Variants in TFDP2 observed in about 807,000 individuals in gnomAD.
TFDP2 encodes transcription factor Dp-2.
A neutral mutation model predicts 59.3 loss-of-function variants in TFDP2; 17 were observed. That is an observed-to-expected ratio of 0.29 (90% CI 0.20 to 0.43). The LOEUF (loss-of-function observed/expected upper bound fraction) is 0.43, where lower values mean the gene tolerates loss of function less well. Among genes scored for constraint, TFDP2 ranks in the 20% least tolerant of loss-of-function variants. The probability of loss-of-function intolerance (pLI) is 1.00; values close to 1 mark genes in which losing one functional copy is unlikely to be tolerated. For missense variants in TFDP2, 391 were observed against 528.8 expected (o/e 0.74, Z 2.56); for synonymous variants, 180 against 194.7 (o/e 0.92, Z 0.63).
rs557027371 is a variant in TFDP2, at chr3:141,969,011, GAT to G, written c.732+1060_732+1061del. On this transcript the variant is annotated intron_variant, in intron 9 of 12. Transcript: ENST00000489671. Reference sequence around the variant, plus strand: ...ATATAACATATATCTCATATATATAGATATATATATAACATATATCTCATATA... The same window carrying G: ...ATATAACATATATCTCATATATATAGATATATATAACATATATCTCATATA... Among the ~76,000 whole-genome samples the G allele has an allele frequency of 8.8e-4, 62 of 70,828 alleles. 1 individual carries two copies. The highest frequency in any genetic ancestry group is 1.8e-3 in the African/African-American group (28 of 15,852). 46.5% of individuals were successfully genotyped at this position (70,828 alleles called of 152,430 possible).
At chr3:142,118,736 G>T (rs1414359266) in intron 1 of TFDP2, among the ~76,000 whole-genome samples, 1 of 151,896 alleles carries the variant, frequency 6.6e-6, no homozygotes, top group Non-Finnish European at 1.5e-5. Flanking sequence ...AGAAAATAAT[G>T]AAGAAAATAA....
chr3:142,050,433 C>A (rs1433665990), intron 3 of TFDP2, among the ~76,000 whole-genome samples: 2 of 152,110 alleles, frequency 1.3e-5, no homozygotes. Flanking sequence ...CGGTGGCTCA[C>A]GCCTGTAATC....
chr3:142,087,909 T>G (rs896659136), intron 3 of TFDP2, among the ~76,000 whole-genome samples: 1 of 152,260 alleles, frequency 6.6e-6, no homozygotes. Flanking sequence ...TCACCTCCTC[T>G]GCTACATTGT....
intron 4 of TFDP2, among the ~76,000 whole-genome samples, chr3:142,001,774 A>G (rs1421434521): frequency 1.3e-5 from 2 of 152,194 alleles, no homozygotes; most frequent in Non-Finnish European, 2.9e-5. Flanking sequence ...TTGACCAAAT[A>G]TCCAATTTCA....
At chr3:142,027,929 A>G (rs1946213606) in intron 3 of TFDP2, among the ~76,000 whole-genome samples, 1 of 152,216 alleles carries the variant, frequency 6.6e-6, no homozygotes, top group South Asian at 2.1e-4. Flanking sequence ...GTGCCTCATA[A>G]TAAACCATAA....
At chr3:142,100,727 T>C (rs917010072) in intron 2 of TFDP2, among the ~76,000 whole-genome samples, 7 of 151,186 alleles carry the variant, frequency 4.6e-5, no homozygotes, top group Admixed American at 4.0e-4. Flanking sequence ...CCCTAACATA[T>C]AGATGGAAAT....
At position 142,121,364 on chromosome 3, in the gene TFDP2, A is replaced by C. The variant is rs944149778; in HGVS notation, c.-92-19523T>G. On this transcript the variant is annotated intron_variant, in intron 1 of 12. Transcript: ENST00000489671. This position sits in a 1 kb window ranked among gnomAD's most constrained non-coding sequence, Gnocchi z 4.3. Reference sequence around the variant, plus strand: ...CAGTATAACATGCTAAAATACTACGACACTAGACAGATATTCGGGGCACTA... The same window carrying C: ...CAGTATAACATGCTAAAATACTACGCCACTAGACAGATATTCGGGGCACTA... 7.9e-5 allele frequency among the ~76,000 whole-genome samples: 12 copies of C among 152,190 alleles called. No homozygotes were observed. Among genetic ancestry groups the C allele is most frequent in the African/African-American group, 2.9e-4 (12 of 41,454 alleles).
chr3:142,147,180 A>G (rs1427098777), intron 1 of TFDP2, among the ~76,000 whole-genome samples: 1 of 152,224 alleles, frequency 6.6e-6, no homozygotes, highest in African/African-American at 2.4e-5. Flanking sequence ...AAGAGTTCAC[A>G]AGCCTACTTT....
chr3:142,058,677 G>A (rs1037564998), intron 3 of TFDP2, among the ~76,000 whole-genome samples: 11 of 152,096 alleles, frequency 7.2e-5, no homozygotes, highest in African/African-American at 2.7e-4. Flanking sequence ...GAAGAGAAAC[G>A]TAAGACAGGG....
rs373850782 is a variant in TFDP2 at position 142,069,002 on chromosome 3, G to A, written c.82+24059C>T. ...GCAATGTCGGCTCAATGCAACCTCC[G>A]TCTCCTTGGTTCAACTGATTCTCCT... On this transcript the variant is annotated intron_variant, in intron 3 of 12. Coordinates refer to ENST00000489671, the MANE Select transcript of TFDP2 (RefSeq NM_001178139.2). 5.9e-5 allele frequency among the ~76,000 whole-genome samples: 9 copies of A among 151,946 alleles called. No homozygotes were observed. The East Asian group carries it at 9.6e-4, about 16-fold the overall frequency.
rs1935785388 is a variant in TFDP2 at position 141,950,165 on chromosome 3, G to A, written c.*2348C>T. The A allele has an allele frequency of 6.6e-6, 1 of 152,146 alleles. No homozygotes were observed. Among genetic ancestry groups the A allele is most frequent in the African/African-American group, 2.4e-5 (1 of 41,422 alleles). 9.4% of individuals were successfully genotyped at this position (152,146 alleles called of 1,614,324 possible). ...GTGTGAAATTGTGACTCAGTGCTGA[G>A]CTTTAGACCCAGATAAATGTTGAGG... On this transcript the variant is annotated 3_prime_UTR_variant, in exon 13 of 13. Transcript: ENST00000489671.
intron 3 of TFDP2, among the ~76,000 whole-genome samples, chr3:142,061,889 TACACACACACACACACA>T (rs1266625123): frequency 0.014 from 1,120 of 79,962 alleles, 26 homozygotes; most frequent in African/African-American, 0.042. Flanking sequence ...TCTCTCTCTC[TACACACACACACACACA>T]CACACACACA....
At chr3:141,982,086 T>G (rs1001402466) in intron 6 of TFDP2, among the ~76,000 whole-genome samples, 1 of 152,148 alleles carries the variant, frequency 6.6e-6, no homozygotes, top group African/African-American at 2.4e-5. Context: ...ATGTGGGAAG[T>G]GTGAATTGAG....
intron 3 of TFDP2, among the ~76,000 whole-genome samples, chr3:142,059,976 A>T (rs1365872608): frequency 6.6e-6 from 1 of 152,184 alleles, no homozygotes; most frequent in East Asian, 1.9e-4. Context: ...TAAGTAATCC[A>T]ATATATATTA....
intron 6 of TFDP2, among the ~76,000 whole-genome samples, chr3:141,988,278 A>G (rs1942360420): frequency 6.6e-6 from 1 of 152,106 alleles, no homozygotes; most frequent in African/African-American, 2.4e-5. Flanking sequence ...TCTTTAACAT[A>G]CTAAGTTCCC....
intron 1 of TFDP2, among the ~76,000 whole-genome samples, chr3:142,113,242 T>G (rs1305748022): frequency 1.4e-5 from 2 of 147,026 alleles, no homozygotes; most frequent in African/African-American, 4.9e-5. Flanking sequence ...ACAAGCTAGA[T>G]GACATTTATT....
rs143286291 is a variant in TFDP2, at chr3:142,130,081, C to G, written c.-93+19102G>C. Among the ~76,000 whole-genome samples, 545 of 151,974 alleles carry G rather than the reference C, an allele frequency of 3.6e-3. 1 individual carries two copies. Among genetic ancestry groups the G allele is most frequent in the African/African-American group, 0.012 (518 of 41,474 alleles). ...AATTACCTTATGATGTAGCATATAC[C>G]CATATACTTTTGGGTATATACTCCA... is the stretch of plus-strand genomic sequence containing the variant. On this transcript the variant is annotated intron_variant, in intron 1 of 12. Coordinates refer to ENST00000489671, the MANE Select transcript of TFDP2 (RefSeq NM_001178139.2).
intron 3 of TFDP2, among the ~76,000 whole-genome samples, chr3:142,035,224 G>A (rs945876862): frequency 1.3e-5 from 2 of 152,192 alleles, no homozygotes; most frequent in South Asian, 4.1e-4. Context: ...ATAATTAGGA[G>A]CTGTTTGGGA....
chr3:141,953,636 T>A lies in TFDP2; in HGVS notation c.1052-620A>T, dbSNP rs11569283. Among the ~76,000 whole-genome samples, 724 of 152,218 alleles carry A rather than the reference T, an allele frequency of 4.8e-3. 6 individuals are homozygous for A. Among genetic ancestry groups the A allele is most frequent in the African/African-American group, 0.016 (667 of 41,548 alleles). On this transcript the variant is annotated intron_variant, in intron 11 of 12. Transcript: ENST00000489671. ...TCAAACTAGCTCTTATTTTATTTTTTTTATTATTATTATACTTTAAGTTTT... is the reference window on the plus strand; with the variant it reads ...TCAAACTAGCTCTTATTTTATTTTTATTATTATTATTATACTTTAAGTTTT...
Sources: allele counts gnomAD v4.1 joint callset (sites outside exome capture counted in the v4.1 genomes callset), GRCh38; gene constraint gnomAD v4.1.1; non-coding constraint Gnocchi (gnomAD v3.1); transcripts MANE v1.5; gene names NCBI Gene and HGNC (gene_info 2026-07-23, HGNC 2026-07-21).